RXFP1: variants seen among roughly 807,000 people sequenced by gnomAD.
The protein encoded by RXFP1 is relaxin receptor 1.
Under a neutral mutation model 89.8 loss-of-function variants are expected in RXFP1, and 73 were observed. The ratio of observed to expected loss-of-function variants is 0.81; its 90% CI spans 0.67 to 0.99. RXFP1 has a LOEUF of 0.99. Ranked by LOEUF, RXFP1 falls within the 50% of genes least tolerant of loss-of-function variation. The pLI is 0.00. For missense variants in RXFP1, 793 were observed against 895.5 expected, an observed-to-expected ratio of 0.89 and a Z score of 1.46; for synonymous variants, 277 against 305.5, an observed-to-expected ratio of 0.91 and a Z score of 0.97.
At chr4:158,550,841 C>T (rs1749925005) in intron 1 of RXFP1, among the ~76,000 whole-genome samples, 1 of 152,120 alleles carries the variant, frequency 6.6e-6, no homozygotes, top group African/African-American at 2.4e-5. Context: ...CAATTTATTC[C>T]TCTATGCTTT....
At chr4:158,577,282 C>G (rs928562456) in intron 2 of RXFP1, among the ~76,000 whole-genome samples, 4 of 152,122 alleles carry the variant, frequency 2.6e-5, no homozygotes, top group Non-Finnish European at 5.9e-5. Flanking sequence ...CATGATCCAC[C>G]AGCCTCGGCC....
At chr4:158,613,279 A>T (rs1283950206) in intron 8 of RXFP1, among the ~76,000 whole-genome samples, 1 of 152,194 alleles carries the variant, frequency 6.6e-6, no homozygotes, top group African/African-American at 2.4e-5. Flanking sequence ...TGGCTGTGGC[A>T]ATTTCTTAAA....
At chr4:158,598,133 G>C (rs776777902) in intron 3 of RXFP1, among the ~76,000 whole-genome samples, 1 of 152,132 alleles carries the variant, frequency 6.6e-6, no homozygotes, top group Non-Finnish European at 1.5e-5. Flanking sequence ...CTTGCTCTCT[G>C]CAAGTTTCAC....
intron 1 of RXFP1, among the ~76,000 whole-genome samples, chr4:158,563,323 G>A: frequency 6.6e-6 from 1 of 152,088 alleles, no homozygotes; most frequent in East Asian, 1.9e-4. Flanking sequence ...CCCCACACCT[G>A]TTAAAAGATA....
intron 3 of RXFP1, among the ~76,000 whole-genome samples, chr4:158,594,501 C>CT (rs35917907): frequency 0.08 from 11,547 of 143,784 alleles, 1,376 homozygotes; most frequent in African/African-American, 0.27. Context: ...CTTTGTTTGA[C>CT]TTTTTTTTTT....
At chr4:158,639,196 C>A (rs1047842310) in intron 13 of RXFP1, 64 bp from the exon 14 acceptor site, 12 of 914,556 alleles carry the variant, frequency 1.3e-5, no homozygotes, top group Admixed American at 8.2e-5. Flanking sequence ...TTCACAGAAA[C>A]TCAATTTATT....
chr4:158,539,546 A>G (rs1162422286), intron 1 of RXFP1, among the ~76,000 whole-genome samples: 1 of 152,178 alleles, frequency 6.6e-6, no homozygotes, highest in Non-Finnish European at 1.5e-5. Context: ...TCCACAAAAG[A>G]TGAAGAGTAT....
At chr4:158,549,621 G>C (rs1204341568) in intron 1 of RXFP1, among the ~76,000 whole-genome samples, 3 of 152,114 alleles carry the variant, frequency 2.0e-5, no homozygotes, top group Non-Finnish European at 4.4e-5. Flanking sequence ...ATGTACAGAG[G>C]GTTTTTGGTG....
Position 158,616,022 on chromosome 4 carries a change from T to C in RXFP1, c.681-1109T>C, listed in dbSNP as rs928010935. Among the ~76,000 whole-genome samples the C allele has an allele frequency of 8.5e-5, 13 of 152,312 alleles. No homozygotes were observed. In the East Asian group the frequency reaches 2.5e-3, roughly 29 times the overall value. On this transcript the variant is annotated intron_variant, in intron 8 of 17. Coordinates refer to ENST00000307765, the MANE Select transcript of RXFP1 (RefSeq NM_021634.4). ...GACACAGACACACTAAGTGGGCACA[T>C]GCTATTGGAGAAATGGCATTCATAG...
intron 2 of RXFP1, among the ~76,000 whole-genome samples, chr4:158,584,566 A>G (rs1378801681): frequency 6.6e-6 from 1 of 152,198 alleles, no homozygotes; most frequent in Non-Finnish European, 1.5e-5. Flanking sequence ...AAATGATCAT[A>G]CCATTTAACA....
At chr4:158,541,240 G>A (rs1183007134) in intron 1 of RXFP1, among the ~76,000 whole-genome samples, 1 of 152,042 alleles carries the variant, frequency 6.6e-6, no homozygotes, top group Non-Finnish European at 1.5e-5. Context: ...AAAAATCACA[G>A]ATTCCAAGTT....
In RXFP1 at chr4:158,546,307, C is replaced by T. The variant is rs553583117; in HGVS notation, c.49+24282C>T. 5.1e-4 allele frequency among the ~76,000 whole-genome samples: 78 copies of T among 152,086 alleles called. 1 individual carries two copies. Among genetic ancestry groups the T allele is most frequent in the South Asian group, 1.5e-3 (7 of 4,810 alleles). ...ATTTTCATACATTGATTTTGTATCC[C>T]GAGACTTTTCTGAAGTTGCTTATCA... On this transcript the variant is annotated intron_variant, in intron 1 of 17. Coordinates refer to ENST00000307765, the MANE Select transcript of RXFP1 (RefSeq NM_021634.4).
At chr4:158,584,199 C>A (rs981265187) in intron 2 of RXFP1, among the ~76,000 whole-genome samples, 5 of 152,106 alleles carry the variant, frequency 3.3e-5, no homozygotes, top group African/African-American at 1.2e-4. Flanking sequence ...CTTTGGGAGG[C>A]CGAGGTGGGT....
chr4:158,569,441 G>A (rs1024996165), intron 1 of RXFP1, among the ~76,000 whole-genome samples: 1 of 152,196 alleles, frequency 6.6e-6, no homozygotes. Flanking sequence ...TGACAATGAT[G>A]TGTCAGTGTA....
chr4:158,555,527 G>A (rs1274806240), intron 1 of RXFP1, among the ~76,000 whole-genome samples: 1 of 152,176 alleles, frequency 6.6e-6, no homozygotes, highest in African/African-American at 2.4e-5. Context: ...AGAGAAAGGT[G>A]CAATAGCCGC....
chr4:158,593,641 G>A, intron 3 of RXFP1, 142 bp downstream of exon 3: 1 of 527,084 alleles, frequency 1.9e-6, no homozygotes, highest in East Asian at 3.1e-5. Flanking sequence ...TTCGTAAGAG[G>A]TCAATTATAG....
intron 11 of RXFP1, among the ~76,000 whole-genome samples, chr4:158,632,973 C>T (rs1580227768): frequency 6.6e-6 from 1 of 152,190 alleles, no homozygotes; most frequent in East Asian, 1.9e-4. Context: ...AGTTCGAGAC[C>T]AACCTGGCCA....
At chr4:158,557,655 C>T (rs971699427) in intron 1 of RXFP1, among the ~76,000 whole-genome samples, 6 of 152,152 alleles carry the variant, frequency 3.9e-5, no homozygotes, top group Non-Finnish European at 7.4e-5. Flanking sequence ...TAAGCCACTG[C>T]GCCCAACCTA....
chr4:158,607,944 T>G (rs1343043084), intron 5 of RXFP1, 28 bp from the exon 6 acceptor site: 10 of 1,485,462 alleles, frequency 6.7e-6, no homozygotes, highest in Non-Finnish European at 9.3e-6. Flanking sequence ...GCTTCATTTT[T>G]TTTTCTTTTT....
Sources: allele counts gnomAD v4.1 joint callset (sites outside exome capture counted in the v4.1 genomes callset), GRCh38; gene constraint gnomAD v4.1.1; transcripts MANE v1.5; gene names NCBI Gene and HGNC (gene_info 2026-07-23, HGNC 2026-07-21).